RAB5A: variants seen among roughly 807,000 people sequenced by gnomAD.
RAB5A encodes the protein RAB5A, member RAS oncogene family, also known as ras-related protein Rab-5A.
RAB5A carries 8 observed loss-of-function variants against 25.7 expected under a neutral mutation model. The observed-to-expected ratio is 0.31, with a 90% CI of 0.18 to 0.56. The LOEUF (loss-of-function observed/expected upper bound fraction) is 0.56, where lower values mean the gene tolerates loss of function less well. RAB5A is among the 20% of genes least tolerant of loss of function. The pLI is 0.91. For synonymous variants in RAB5A, 98 were observed against 89.8 expected (o/e 1.09, Z -0.52); for missense variants, 192 against 259.7 (o/e 0.74, Z 1.79).
At chr3:19,958,747 A>G (rs952338690) in intron 2 of RAB5A, among the ~76,000 whole-genome samples, 3 of 152,194 alleles carry the variant, frequency 2.0e-5, no homozygotes, top group African/African-American at 7.2e-5. Context: ...AGGCATTAGA[A>G]TTGCTTCAAC....
chr3:19,982,337 G>A (rs902907468), intron 5 of RAB5A, among the ~76,000 whole-genome samples: 2 of 152,192 alleles, frequency 1.3e-5, no homozygotes, highest in African/African-American at 4.8e-5. Flanking sequence ...GTGTCTAAGT[G>A]TATTTCCACT....
At chr3:19,951,772 A>T (rs993932417) in intron 2 of RAB5A, among the ~76,000 whole-genome samples, 4 of 143,244 alleles carry the variant, frequency 2.8e-5, no homozygotes, top group African/African-American at 1.1e-4. Flanking sequence ...CCTGGCCTCA[A>T]GTGAGCCTCC....
chr3:19,959,926 T>A (rs1365175586), intron 2 of RAB5A, among the ~76,000 whole-genome samples: 1 of 152,122 alleles, frequency 6.6e-6, no homozygotes, highest in African/African-American at 2.4e-5. Context: ...CGCTAGGCTG[T>A]GTTCTGAATA....
intron 1 of RAB5A, chr3:19,948,004 T>A (rs1297088668): frequency 6.6e-6 from 1 of 152,136 alleles, no homozygotes; most frequent in Non-Finnish European, 1.5e-5. Context: ...TGTGGGGAGC[T>A]CCGCCTATCT....
intron 2 of RAB5A, among the ~76,000 whole-genome samples, chr3:19,971,733 C>T (rs1017514411): frequency 2.0e-5 from 3 of 152,096 alleles, no homozygotes; most frequent in African/African-American, 7.2e-5. Flanking sequence ...CCTCGGCCTC[C>T]CAAAGTGCTG....
intron 5 of RAB5A, among the ~76,000 whole-genome samples, chr3:19,980,546 A>G (rs1183075760): frequency 6.6e-6 from 1 of 152,032 alleles, no homozygotes; most frequent in Non-Finnish European, 1.5e-5. Context: ...TGCAAGGACT[A>G]AAAAGTTACT....
chr3:19,953,281 TA>T (rs1163557723), intron 2 of RAB5A, among the ~76,000 whole-genome samples: 8 of 152,210 alleles, frequency 5.3e-5, no homozygotes, highest in Non-Finnish European at 7.3e-5. Context: ...TATCTCTATA[TA>T]ATCTCCATGT....
chr3:19,984,933 A>G lies in RAB5A; in HGVS notation c.*1110A>G, dbSNP rs1465910475. On this transcript the variant is annotated 3_prime_UTR_variant, in exon 6 of 6. Coordinates refer to ENST00000273047, the MANE Select transcript of RAB5A (RefSeq NM_004162.5). ...AAAGTATTGCAATATGTTAGTAACAATCTTGCAGCCTTCCTTTCCAAAGTT... is the reference window on the plus strand; with the variant it reads ...AAAGTATTGCAATATGTTAGTAACAGTCTTGCAGCCTTCCTTTCCAAAGTT... The G allele has an allele frequency of 5.8e-5, 9 of 155,366 alleles. No homozygotes were observed. Among genetic ancestry groups the G allele is most frequent in the Admixed American group, 1.3e-4 (2 of 15,500 alleles). The allele number at this position is 155,366 out of a possible 1,614,324, so 9.6% of individuals were successfully genotyped here.
intron 2 of RAB5A, among the ~76,000 whole-genome samples, chr3:19,967,332 A>G (rs1418738294): frequency 1.3e-5 from 2 of 152,152 alleles, no homozygotes; most frequent in East Asian, 1.9e-4. Flanking sequence ...TTTAATAGAG[A>G]CAGGGTTTCG....
intron 2 of RAB5A, among the ~76,000 whole-genome samples, chr3:19,963,547 G>C (rs1026662336): frequency 6.6e-6 from 1 of 151,960 alleles, no homozygotes; most frequent in African/African-American, 2.4e-5. Flanking sequence ...TATATCCTAG[G>C]ATTACAGGTT....
chr3:19,975,949 A>G, intron 3 of RAB5A, 98 bp from the exon 4 acceptor site: 3 of 1,458,008 alleles, frequency 2.1e-6, no homozygotes, highest in Non-Finnish European at 2.8e-6. Flanking sequence ...TTTCTTTCCC[A>G]CAGTCACTTG....
intron 2 of RAB5A, among the ~76,000 whole-genome samples, chr3:19,953,232 C>T (rs977123558): frequency 6.6e-6 from 1 of 152,046 alleles, no homozygotes; most frequent in Non-Finnish European, 1.5e-5. Flanking sequence ...AATGTAACCC[C>T]ATATCCTGTG....
chr3:19,949,878 C>G (rs958665436), intron 1 of RAB5A, among the ~76,000 whole-genome samples: 1 of 151,970 alleles, frequency 6.6e-6, no homozygotes, highest in African/African-American at 2.4e-5. Context: ...TTAAGTGTCT[C>G]TACCAAAAAA....
chr3:19,954,616 G>A (rs1483793843), intron 2 of RAB5A, among the ~76,000 whole-genome samples: 1 of 152,084 alleles, frequency 6.6e-6, no homozygotes, highest in African/African-American at 2.4e-5. Context: ...CCAGGAGTTT[G>A]AGACCAGCCT....
chr3:19,969,025 GTTTTGGTTTTTTTT>G (rs1390990406), intron 2 of RAB5A, among the ~76,000 whole-genome samples: 2,339 of 105,624 alleles, frequency 0.022, 71 homozygotes, highest in African/African-American at 0.081. Flanking sequence ...GTGTTTTTTG[GTTTTGGTTTTTTTT>G]TTTTGGTTTT....
chr3:19,965,565 T>C (rs1248785208), intron 2 of RAB5A, among the ~76,000 whole-genome samples: 1 of 152,184 alleles, frequency 6.6e-6, no homozygotes, highest in African/African-American at 2.4e-5. Flanking sequence ...CATTGACTTC[T>C]CAATATCCTT....
chr3:19,956,071 C>T lies in RAB5A; in HGVS notation c.163+5010C>T, dbSNP rs1040292152. 3.0e-4 allele frequency among the ~76,000 whole-genome samples: 45 copies of T among 152,162 alleles called. 1 individual carries two copies. The highest frequency in any genetic ancestry group is 8.5e-4 in the Admixed American group (13 of 15,268). On this transcript the variant is annotated intron_variant, in intron 2 of 5. Coordinates refer to ENST00000273047, the MANE Select transcript of RAB5A (RefSeq NM_004162.5). The stretch of plus-strand genomic sequence containing the variant: ...TCCAATCAAGAGTATTCTGCTTTTT[C>T]TCTACTTAGGGAGTACCCATAGTTT...
intron 1 of RAB5A, among the ~76,000 whole-genome samples, chr3:19,950,194 T>A (rs1014737018): frequency 1.3e-5 from 2 of 152,156 alleles, no homozygotes; most frequent in African/African-American, 4.8e-5. Context: ...GAGGAAACAG[T>A]TTTAAGTCTG....
chr3:19,963,989 A>G (rs1172686872), intron 2 of RAB5A, among the ~76,000 whole-genome samples: 3 of 152,190 alleles, frequency 2.0e-5, no homozygotes, highest in Non-Finnish European at 4.4e-5. Flanking sequence ...ACTGCCAAGC[A>G]TGAAAGAATC....
Sources: gnomAD v4.1 joint callset for allele counts (sites outside exome capture counted in the v4.1 genomes callset) on GRCh38, gnomAD v4.1.1 for gene constraint, MANE v1.5 for transcripts, NCBI Gene and HGNC (gene_info 2026-07-23, HGNC 2026-07-21) for gene names.